Variants in PCDH15 observed in about 807,000 individuals in gnomAD.
PCDH15 encodes protocadherin-15.
PCDH15 carries 129 observed loss-of-function variants against 178.5 expected under a neutral mutation model. The observed-to-expected ratio is 0.72, with a 90% CI of 0.63 to 0.84. The LOEUF is 0.84. Ranked by LOEUF, PCDH15 falls within the 40% of genes least tolerant of loss-of-function variation. PCDH15 has a pLI of 0.00. For synonymous variants in PCDH15, 800 were observed against 732.0 expected (o/e 1.09, Z -1.50); for missense variants, 2,230 against 2,099.9 (o/e 1.06, Z -1.21).
chr10:55,190,111 AGTCTCTAT>A (rs1480923242), intron 1 of PCDH15, among the ~76,000 whole-genome samples: 1 of 151,844 alleles, frequency 6.6e-6, no homozygotes, highest in African/African-American at 2.4e-5. Context: ...TGAATCTCAT[AGTCTCTAT>A]GTCAAGCAAA....
chr10:55,590,151 A>G (rs867821649), intron 2 of PCDH15, among the ~76,000 whole-genome samples: 2 of 151,916 alleles, frequency 1.3e-5, no homozygotes, highest in Non-Finnish European at 2.9e-5. Flanking sequence ...GGATGAGTTC[A>G]TGTCCTTTAT....
At chr10:54,317,498 G>A (rs2061351560) in intron 7 of PCDH15, 57 bp from the exon 8 acceptor site, 1 of 1,590,968 alleles carries the variant, frequency 6.3e-7, no homozygotes. Context: ...ACAATAGCCA[G>A]GAGCAGTGGC....
In PCDH15 at chr10:54,371,053, C is replaced by A. The variant is rs562829684; in HGVS notation, c.319-1778G>T. Reference sequence around the variant, plus strand: ...CTGATATAAATGAAGGCATTAAAATCATGTGTATAAAATCTGTGAATGTTA... The same window carrying A: ...CTGATATAAATGAAGGCATTAAAATAATGTGTATAAAATCTGTGAATGTTA... On this transcript the variant is annotated intron_variant, in intron 4 of 37. Coordinates refer to ENST00000644397, the MANE Select transcript of PCDH15 (RefSeq NM_001384140.1). Among the ~76,000 whole-genome samples, 4 of 151,774 alleles carry A rather than the reference C, an allele frequency of 2.6e-5. No homozygotes were observed. The South Asian group carries it at 8.3e-4, about 31-fold the overall frequency.
intron 3 of PCDH15, among the ~76,000 whole-genome samples, chr10:54,415,324 C>A (rs1954164854): frequency 1.3e-5 from 2 of 150,396 alleles, no homozygotes. Flanking sequence ...GTTTCAAGAT[C>A]AATTAAAAAA....
At chr10:55,352,567 A>G (rs922497339) in intron 2 of PCDH15, among the ~76,000 whole-genome samples, 3 of 152,142 alleles carry the variant, frequency 2.0e-5, no homozygotes, top group Non-Finnish European at 4.4e-5. Context: ...CACAATGCCA[A>G]CCATTCTACG....
At chr10:53,849,094 G>A (rs1311986996) in intron 28 of PCDH15, among the ~76,000 whole-genome samples, 1 of 151,928 alleles carries the variant, frequency 6.6e-6, no homozygotes, top group Admixed American at 6.6e-5. Context: ...GTTTGTTTTG[G>A]CTTTCCATTG....
At chr10:54,531,043 A>G (rs1026763309) in intron 2 of PCDH15, among the ~76,000 whole-genome samples, 34 of 152,298 alleles carry the variant, frequency 2.2e-4, no homozygotes, top group African/African-American at 7.7e-4. Context: ...AAATATCCAA[A>G]TGTAAATCAA....
At chr10:55,154,665 C>T (rs1347768020) in intron 2 of PCDH15, among the ~76,000 whole-genome samples, 1 of 152,038 alleles carries the variant, frequency 6.6e-6, no homozygotes, top group African/African-American at 2.4e-5. Context: ...GTGCTATAGA[C>T]CACTCTGAGG....
intron 18 of PCDH15, among the ~76,000 whole-genome samples, chr10:54,050,585 T>G (rs2093748541): frequency 6.6e-6 from 1 of 152,168 alleles, no homozygotes; most frequent in Admixed American, 6.5e-5. Context: ...TCTAGTTATT[T>G]GTTCTCTTTT....
chr10:54,641,427 T>C (rs932028732), intron 2 of PCDH15, among the ~76,000 whole-genome samples: 1 of 152,146 alleles, frequency 6.6e-6, no homozygotes, highest in African/African-American at 2.4e-5. Context: ...TTCCTACAAC[T>C]AAACTGATGA....
intron 2 of PCDH15, among the ~76,000 whole-genome samples, chr10:54,965,107 G>A (rs986424129): frequency 1.3e-5 from 2 of 152,154 alleles, no homozygotes; most frequent in African/African-American, 4.8e-5. Context: ...ATCACTGTAA[G>A]TTCTGACCCA....
At chr10:54,248,764 A>G (rs536030424) in intron 8 of PCDH15, among the ~76,000 whole-genome samples, 1 of 151,572 alleles carries the variant, frequency 6.6e-6, no homozygotes, top group South Asian at 2.1e-4. Flanking sequence ...AAAAATAACA[A>G]CAAACAGACA....
intron 3 of PCDH15, among the ~76,000 whole-genome samples, chr10:54,422,340 C>A (rs967832360): frequency 6.6e-6 from 1 of 152,036 alleles, no homozygotes; most frequent in Non-Finnish European, 1.5e-5. Context: ...ATAGCCTACC[C>A]TATTTTGTAG....
At chr10:55,043,725 A>C (rs1326247910) in intron 2 of PCDH15, among the ~76,000 whole-genome samples, 1 of 145,828 alleles carries the variant, frequency 6.9e-6, no homozygotes, top group South Asian at 2.1e-4. Context: ...AAAATAAATA[A>C]ATAAATAAAT....
chr10:55,621,601 G>T (rs1329561888), intron 2 of PCDH15, among the ~76,000 whole-genome samples: 1 of 152,168 alleles, frequency 6.6e-6, no homozygotes, highest in African/African-American at 2.4e-5. Context: ...GCATGTGAGG[G>T]ATATAGGTTG....
At chr10:54,440,689 A>T (rs1159584027) in intron 3 of PCDH15, among the ~76,000 whole-genome samples, 2 of 151,980 alleles carry the variant, frequency 1.3e-5, no homozygotes, top group African/African-American at 4.8e-5. Flanking sequence ...AACATTTATG[A>T]TAACTGCTCA....
intron 11 of PCDH15, chr10:54,189,524 A>T (rs1285818149): frequency 4.3e-6 from 2 of 470,554 alleles, no homozygotes; most frequent in Non-Finnish European, 7.6e-6. Context: ...TAGCATTGTG[A>T]CCCACATATA....
At chr10:55,352,463 A>C (rs1844961190) in intron 2 of PCDH15, among the ~76,000 whole-genome samples, 1 of 152,110 alleles carries the variant, frequency 6.6e-6, no homozygotes, top group Admixed American at 6.6e-5. Flanking sequence ...AAGATGAGGA[A>C]CATAGTGGCC....
chr10:54,443,958 T>C (rs1306107914), intron 3 of PCDH15, among the ~76,000 whole-genome samples: 1 of 151,676 alleles, frequency 6.6e-6, no homozygotes, highest in Non-Finnish European at 1.5e-5. Flanking sequence ...CATACACATG[T>C]TTAAAATCTT....
Sources: allele counts gnomAD v4.1 joint callset (sites outside exome capture counted in the v4.1 genomes callset), GRCh38; gene constraint gnomAD v4.1.1; transcripts MANE v1.5; gene names NCBI Gene and HGNC (gene_info 2026-07-23, HGNC 2026-07-21).